PRR16: variants seen among roughly 807,000 people sequenced by gnomAD.
The protein encoded by PRR16 is protein Largen.
Under a neutral mutation model 18.2 loss-of-function variants are expected in PRR16, and 6 were observed. The observed-to-expected ratio is 0.33, with a 90% CI of 0.18 to 0.65. The LOEUF (loss-of-function observed/expected upper bound fraction) is 0.65, where lower values mean the gene tolerates loss of function less well. Among genes scored for constraint, PRR16 ranks in the 30% least tolerant of loss-of-function variants. The probability of loss-of-function intolerance (pLI) is 0.74; values close to 1 mark genes in which losing one functional copy is unlikely to be tolerated. For synonymous variants in PRR16, 151 were observed against 147.8 expected (o/e 1.02, Z -0.16); for missense variants, 412 against 376.6 (o/e 1.09, Z -0.78).
Position 120,623,235 on chromosome 5 carries a change from C to G in PRR16, c.160-62719C>G, listed in dbSNP as rs144846872. 6.1e-3 allele frequency among the ~76,000 whole-genome samples: 925 copies of G among 152,096 alleles called. 16 individuals are homozygous for G. Among genetic ancestry groups the G allele is most frequent in the African/African-American group, 0.021 (868 of 41,532 alleles). The stretch of plus-strand genomic sequence containing the variant: ...AAGGGGAAAGATTTTATAATGGCAA[C>G]AGTATCAAGAGACAACATTAATTAA... On this transcript the variant is annotated intron_variant, in intron 1 of 1. Coordinates refer to ENST00000407149, the MANE Select transcript of PRR16 (RefSeq NM_001300783.2).
chr5:120,551,307 A>G (rs6864673), intron 1 of PRR16, among the ~76,000 whole-genome samples: 25,522 of 151,930 alleles, frequency 0.17, 2,528 homozygotes, highest in Non-Finnish European at 0.21. Context: ...CATAATATCT[A>G]CCAGGTTCAT....
At chr5:120,478,225 T>G (rs745895478) in intron 1 of PRR16, among the ~76,000 whole-genome samples, 8 of 152,220 alleles carry the variant, frequency 5.3e-5, no homozygotes, top group Non-Finnish European at 1.2e-4. Context: ...CCTTTTAGTT[T>G]CTACTGCAAT....
At chr5:120,747,907 T>C in the PRR16 span, among the ~76,000 whole-genome samples, 2 of 152,130 alleles carry the variant, frequency 1.3e-5, no homozygotes, top group Non-Finnish European at 2.9e-5. Flanking sequence ...TCCAAAAAAT[T>C]AGAAAATCTA....
rs527237057 is a variant in PRR16, at chr5:120,493,131, T to C, written c.159+28486T>C. Among the ~76,000 whole-genome samples, 16 of 152,310 alleles carry C rather than the reference T, an allele frequency of 1.1e-4. No homozygotes were observed. The South Asian group carries it at 3.3e-3, about 32-fold the overall frequency. On this transcript the variant is annotated intron_variant, in intron 1 of 1. Coordinates refer to ENST00000407149, the MANE Select transcript of PRR16 (RefSeq NM_001300783.2). ...TACTTTCAGTTTTTTAAGGAATGTCTATATTATTTTCCATAGTGTTAGCAC... is the reference window on the plus strand; with the variant it reads ...TACTTTCAGTTTTTTAAGGAATGTCCATATTATTTTCCATAGTGTTAGCAC...
intron 1 of PRR16, among the ~76,000 whole-genome samples, chr5:120,495,711 C>G (rs1009485528): frequency 2.0e-5 from 3 of 151,970 alleles, no homozygotes; most frequent in African/African-American, 7.2e-5. Context: ...TATTCTGTGA[C>G]TTTTCTATTA....
intron 1 of PRR16, among the ~76,000 whole-genome samples, chr5:120,683,027 A>G (rs1309497258): frequency 6.6e-6 from 1 of 152,210 alleles, no homozygotes; most frequent in Non-Finnish European, 1.5e-5. Context: ...AAGAAGAAAT[A>G]ATGGTTTGTG....
the PRR16 span, among the ~76,000 whole-genome samples, chr5:120,760,828 G>C: frequency 6.6e-6 from 1 of 152,150 alleles, no homozygotes; most frequent in Admixed American, 6.5e-5. Flanking sequence ...ATTACAGCAG[G>C]ATTGAGCTCC....
At chr5:120,701,472 T>C in the PRR16 span, among the ~76,000 whole-genome samples, 468 of 152,196 alleles carry the variant, frequency 3.1e-3, 2 homozygotes, top group African/African-American at 0.011. Flanking sequence ...TGACTATGCA[T>C]TTAGCTCCAG....
the PRR16 span, among the ~76,000 whole-genome samples, chr5:120,771,793 A>G: frequency 6.6e-6 from 1 of 152,008 alleles, no homozygotes; most frequent in Non-Finnish European, 1.5e-5. Flanking sequence ...AGTATATTTT[A>G]TATTATGAAA....
chr5:120,635,653 GCCAA>G (rs774109370), intron 1 of PRR16, among the ~76,000 whole-genome samples: 1 of 152,248 alleles, frequency 6.6e-6, no homozygotes, highest in Non-Finnish European at 1.5e-5. Flanking sequence ...TAAACCCACA[GCCAA>G]CATAATACTG....
At chr5:120,699,617 G>T in the PRR16 span, among the ~76,000 whole-genome samples, 16 of 152,324 alleles carry the variant, frequency 1.1e-4, no homozygotes, top group African/African-American at 3.8e-4. Flanking sequence ...TAGAGAGTGA[G>T]TTGAGCATAG....
chr5:120,575,610 T>G (rs1001310367), intron 1 of PRR16, among the ~76,000 whole-genome samples: 1 of 152,084 alleles, frequency 6.6e-6, no homozygotes, highest in African/African-American at 2.4e-5. Context: ...CAACATTCTT[T>G]TATGATAAAA....
In PRR16 at chr5:120,481,100, A is replaced by G; in HGVS notation, c.159+16455A>G. The G allele has an allele frequency of 3.4e-6, 4 of 1,180,420 alleles. 1 individual carries two copies. In the South Asian group the frequency reaches 6.3e-5, roughly 19 times the overall value. The allele number at this position is 1,180,420 out of a possible 1,614,324, so 73.1% of individuals were successfully genotyped here. ...ATCTAATTCCCTTTGATATTTGTGA[A>G]TTTTCAAATTAAACACAGCTACTTT... On this transcript the variant is annotated intron_variant, in intron 1 of 1. Coordinates refer to ENST00000407149, the MANE Select transcript of PRR16 (RefSeq NM_001300783.2).
chr5:120,743,176 A>G, the PRR16 span, among the ~76,000 whole-genome samples: 3 of 151,968 alleles, frequency 2.0e-5, no homozygotes, highest in Non-Finnish European at 4.4e-5. Flanking sequence ...TCTTCTCTGA[A>G]TATTTTCTTC....
At chr5:120,692,600 G>A in the PRR16 span, among the ~76,000 whole-genome samples, 1 of 152,200 alleles carries the variant, frequency 6.6e-6, no homozygotes. Flanking sequence ...GTGCATATGG[G>A]TGTGGGCCCA....
chr5:120,590,934 AG>A (rs1447910301), intron 1 of PRR16, among the ~76,000 whole-genome samples: 2 of 152,116 alleles, frequency 1.3e-5, no homozygotes, highest in Non-Finnish European at 2.9e-5. Context: ...TTTATTCTTT[AG>A]ATTTGATCTT....
the PRR16 span, among the ~76,000 whole-genome samples, chr5:120,702,610 T>A: frequency 1.3e-5 from 2 of 152,124 alleles, no homozygotes; most frequent in Non-Finnish European, 2.9e-5. Context: ...GTGAAATGAT[T>A]AAACACCAAG....
At chr5:120,559,243 T>C (rs566013349) in intron 1 of PRR16, among the ~76,000 whole-genome samples, 7 of 151,866 alleles carry the variant, frequency 4.6e-5, no homozygotes, top group Non-Finnish European at 8.8e-5. Flanking sequence ...TCCAGGAGAG[T>C]TCCCCGAATA....
At chr5:120,700,051 A>T in the PRR16 span, among the ~76,000 whole-genome samples, 1 of 152,174 alleles carries the variant, frequency 6.6e-6, no homozygotes, top group Non-Finnish European at 1.5e-5. Flanking sequence ...GGTACAAAGC[A>T]ATAGTAAAGA....
Sources: allele counts gnomAD v4.1 joint callset (sites outside exome capture counted in the v4.1 genomes callset), GRCh38; gene constraint gnomAD v4.1.1; transcripts MANE v1.5; gene names NCBI Gene and HGNC (gene_info 2026-07-23, HGNC 2026-07-21).